DNMT1: variants seen among roughly 807,000 people sequenced by gnomAD.
The protein encoded by DNMT1 is DNA (cytosine-5)-methyltransferase 1.
Under a neutral mutation model 205.3 loss-of-function variants are expected in DNMT1, and 24 were observed. That is an observed-to-expected ratio of 0.12 (90% CI 0.08 to 0.16). DNMT1 has a LOEUF of 0.16. Among genes scored for constraint, DNMT1 ranks in the 10% least tolerant of loss-of-function variants. The pLI, the probability that DNMT1 is intolerant of heterozygous loss-of-function variation, is 1.00. For synonymous variants in DNMT1, 817 were observed against 839.8 expected (o/e 0.97, Z 0.47); for missense variants, 1,293 against 2,177.7 (o/e 0.59, Z 8.09).
chr19:10,170,051 G>A (rs1295545669), intron 9 of DNMT1, among the ~76,000 whole-genome samples: 2 of 152,170 alleles, frequency 1.3e-5, no homozygotes, highest in East Asian at 1.9e-4. Context: ...TTGGGAGGCT[G>A]AGGTGGGTGG....
At position 10,137,732 on chromosome 19, in the gene DNMT1, C is replaced by A; in HGVS notation, c.4293+100G>T. 1.4e-6 allele frequency: 2 copies of A among 1,478,740 alleles called. No individual in the cohort carries two copies. Among genetic ancestry groups the A allele is most frequent in the Admixed American group, 3.9e-5 (2 of 51,368 alleles). 91.6% of individuals were successfully genotyped at this position (1,478,740 alleles called of 1,614,324 possible). ...GGACTCGGGAGGAGGAGCCTGGGAT[C>A]AGATTCCATGTCTCCCCTGAGTCTT... On this transcript the variant is annotated intron_variant, in intron 36 of 40. Transcript: ENST00000359526. The surrounding 1 kb of genome is among the most constrained non-coding windows in gnomAD (Gnocchi z 6.4).
chr19:10,177,367 G>C lies in DNMT1; in HGVS notation c.494C>G (p.Ala165Gly). The C allele has an allele frequency of 6.2e-7, 1 of 1,613,252 alleles. No homozygotes were observed. The highest frequency in any genetic ancestry group is 8.5e-7 in the Non-Finnish European group (1 of 1,179,880). ...ASASQVTGIR[A>G]EPSPSPRITR... ...AATCCTGGGGCTAGGTGAAGGTTCA[G>C]CTGTTTAAAGAAGAAAAAGCATTAA... Residue 165 changes from alanine to glycine, a missense_variant and splice_region_variant, in exon 6 of 41, where the codon GCT (alanine) becomes GGT (glycine). Coordinates refer to ENST00000359526, the MANE Select transcript of DNMT1 (RefSeq NM_001130823.3).
rs1417248286 is a variant in DNMT1, at chr19:10,168,323, C to T, written c.803+7G>A. ...ACAAAGCACAAAGGCAGGTTCGCTG[C>T]ACTTACGGTTCTTTGGTTTGACTTC... On this transcript the variant is annotated splice_region_variant and intron_variant, in intron 10 of 40. Coordinates refer to ENST00000359526, the MANE Select transcript of DNMT1 (RefSeq NM_001130823.3). 4 of 1,614,118 alleles carry T rather than the reference C, an allele frequency of 2.5e-6. No homozygotes were observed. The highest frequency in any genetic ancestry group is 1.7e-5 in the Admixed American group (1 of 59,988).
chr19:10,163,433 A>T, intron 11 of DNMT1, 73 bp from the exon 12 acceptor site: 1 of 1,491,278 alleles, frequency 6.7e-7, no homozygotes, highest in South Asian at 1.1e-5. Flanking sequence ...GAGTGAGATA[A>T]AATGCAAACA....
intron 19 of DNMT1, 21 bp from the exon 20 acceptor site, chr19:10,155,077 G>A (rs1334475911): frequency 1.9e-6 from 3 of 1,613,694 alleles, no homozygotes; most frequent in African/African-American, 1.3e-5. Context: ...CAGAGGAGGT[G>A]TGGAAAAGGG....
chr19:10,181,308 G>T (rs8108925), intron 2 of DNMT1, among the ~76,000 whole-genome samples: 1 of 151,806 alleles, frequency 6.6e-6, no homozygotes, highest in Non-Finnish European at 1.5e-5. Context: ...AAATTAGCTG[G>T]GCATGGTGGC....
At chr19:10,145,975 C>T (rs779219407) in intron 28 of DNMT1, among the ~76,000 whole-genome samples, 8 of 152,100 alleles carry the variant, frequency 5.3e-5, no homozygotes, top group East Asian at 3.9e-4. Context: ...ACTACAGGCG[C>T]GCACCACCAC....
chr19:10,149,782 T>C lies in DNMT1; in HGVS notation c.2381+71A>G, dbSNP rs575859466. 2.3e-4 allele frequency: 366 copies of C among 1,606,708 alleles called. 1 individual carries two copies. The African/African-American group carries it at 4.6e-3, about 20-fold the overall frequency. On this transcript the variant is annotated intron_variant, in intron 25 of 40. Transcript: ENST00000359526. The stretch of plus-strand genomic sequence containing the variant: ...AGGGCAAAAAGCTGCTGGTGCTATT[T>C]TGGCAAAACAGGCATCTCCTACTTG...
At chr19:10,155,967 G>A in intron 18 of DNMT1, 22 bp from the exon 19 acceptor site, 3 of 1,607,704 alleles carry the variant, frequency 1.9e-6, no homozygotes, top group Non-Finnish European at 2.5e-6. Flanking sequence ...AAAGGAAATG[G>A]ACTAAAGGCT....
At position 10,155,823 on chromosome 19, in the gene DNMT1, C is replaced by T. The variant is rs28607407; in HGVS notation, c.1492+30G>A. The T allele has an allele frequency of 2.9e-3, 4,691 of 1,603,950 alleles. 116 individuals are homozygous for T. The African/African-American group carries it at 0.054, about 18-fold the overall frequency. On this transcript the variant is annotated intron_variant, in intron 19 of 40. Transcript: ENST00000359526. ...GAACATGAAGGCCCCTTTCAGACCC[C>T]GGCCAGCCTATGATGGGCCACACAC...
At chr19:10,155,337 CTT>C (rs561209748) in intron 19 of DNMT1, among the ~76,000 whole-genome samples, 1 of 146,220 alleles carries the variant, frequency 6.8e-6, no homozygotes. Flanking sequence ...AAGACCTGCT[CTT>C]TTTTTTTTTT....
intron 1 of DNMT1, among the ~76,000 whole-genome samples, chr19:10,193,652 A>G (rs2039344029): frequency 6.8e-6 from 1 of 146,770 alleles, no homozygotes; most frequent in Admixed American, 7.0e-5. Context: ...CATAAGCCAC[A>G]GCACCCAGCC....
At chr19:10,153,841 C>T (rs2038400013) in intron 22 of DNMT1, among the ~76,000 whole-genome samples, 1 of 152,052 alleles carries the variant, frequency 6.6e-6, no homozygotes, top group Non-Finnish European at 1.5e-5. Context: ...TCAAAATAGT[C>T]CTGGTCTTTG....
chr19:10,188,588 C>T (rs2050343866), intron 1 of DNMT1, among the ~76,000 whole-genome samples: 1 of 152,144 alleles, frequency 6.6e-6, no homozygotes, highest in Non-Finnish European at 1.5e-5. Flanking sequence ...TCCCTGGAAC[C>T]TGTGAATATA....
At chr19:10,143,270 A>G (rs1365533791) in intron 29 of DNMT1, among the ~76,000 whole-genome samples, 2 of 152,092 alleles carry the variant, frequency 1.3e-5, no homozygotes, top group African/African-American at 2.4e-5. Context: ...GCCGGAGTGC[A>G]GTGGTGGGAT....
rs1218182925 is a variant in DNMT1 at position 10,180,236 on chromosome 19, T to C, written c.446-2A>G. Reference sequence around the variant, plus strand: ...CTGAGGCAGGAGGGTCTCTTGAACCTGGGAGGCAGAGGTTACAGTGAGCCG... The same window carrying C: ...CTGAGGCAGGAGGGTCTCTTGAACCCGGGAGGCAGAGGTTACAGTGAGCCG... On this transcript the variant is annotated splice_acceptor_variant, in intron 4 of 40. Transcript: ENST00000359526. LOFTEE classifies it high-confidence loss of function. The C allele has an allele frequency of 7.7e-7, 1 of 1,304,540 alleles. No individual in the cohort carries two copies. Among genetic ancestry groups the C allele is most frequent in the Non-Finnish European group, 1.1e-6 (1 of 931,700 alleles). The allele number at this position is 1,304,540 out of a possible 1,614,324, so 80.8% of individuals were successfully genotyped here.
chr19:10,154,879 G>C lies in DNMT1; in HGVS notation c.1644+26C>G. 1 of 1,614,214 alleles carries C rather than the reference G, an allele frequency of 6.2e-7. No homozygotes were observed. ...AGGCAAGTTTCCAGTGGGAATCCCG[G>C]ATGCTGAGGACCCTCGATCTCTTAC... On this transcript the variant is annotated intron_variant, in intron 20 of 40. Coordinates refer to ENST00000359526, the MANE Select transcript of DNMT1 (RefSeq NM_001130823.3). The surrounding 1 kb of genome is among the most constrained non-coding windows in gnomAD (Gnocchi z 6.3).
Position 10,133,725 on chromosome 19 carries a change from T to C in DNMT1, c.4865-24A>G. 6.3e-7 allele frequency: 1 copy of C among 1,579,044 alleles called. No individual in the cohort carries two copies. The highest frequency in any genetic ancestry group is 8.6e-7 in the Non-Finnish European group (1 of 1,161,216). ...AGCTGAAGGGAAATAAAAGGAAAAG[T>C]CACTCTGGGGAACACGCCCGGTGTC... On this transcript the variant is annotated intron_variant, in intron 40 of 40. Coordinates refer to ENST00000359526, the MANE Select transcript of DNMT1 (RefSeq NM_001130823.3). This position sits in a 1 kb window ranked among gnomAD's most constrained non-coding sequence, Gnocchi z 4.1.
At chr19:10,139,391 C>T (rs1384516656) in intron 34 of DNMT1, among the ~76,000 whole-genome samples, 3 of 152,232 alleles carry the variant, frequency 2.0e-5, no homozygotes, top group African/African-American at 2.4e-5. Context: ...CCTTCCCCAT[C>T]GAGGGAAAGG....
Sources: allele counts gnomAD v4.1 joint callset (sites outside exome capture counted in the v4.1 genomes callset), GRCh38; gene constraint gnomAD v4.1.1; non-coding constraint Gnocchi (gnomAD v3.1); transcripts MANE v1.5; gene names NCBI Gene and HGNC (gene_info 2026-07-23, HGNC 2026-07-21).